The following ADAMTS2 variants were observed in gnomAD, a reference collection of about 807,000 sequenced individuals.
ADAMTS2 encodes ADAM metallopeptidase with thrombospondin type 1 motif 2.
ADAMTS2 carries 50 observed loss-of-function variants against 123.0 expected under a neutral mutation model. The ratio of observed to expected loss-of-function variants is 0.41; its 90% CI spans 0.32 to 0.51. The LOEUF (loss-of-function observed/expected upper bound fraction) is 0.51. ADAMTS2 is among the 20% of genes least tolerant of loss of function. The probability of loss-of-function intolerance (pLI) is 0.35; values close to 1 mark genes in which losing one functional copy is unlikely to be tolerated. For missense variants in ADAMTS2, 1,494 were observed against 1,705.2 expected, an observed-to-expected ratio of 0.88 and a Z score of 2.18; for synonymous variants, 678 against 695.4, an observed-to-expected ratio of 0.98 and a Z score of 0.39.
At position 179,207,509 on chromosome 5, in the gene ADAMTS2, T is replaced by A; in HGVS notation, c.891+4A>T. On this transcript the variant is annotated splice_donor_region_variant and intron_variant, in intron 4 of 21. Transcript: ENST00000251582. The stretch of plus-strand genomic sequence containing the variant: ...CACCCTGCCCCCTCAGCCACCCCAC[T>A]CACAATGTTCATGAGTGTCAGCAGG... 1.2e-6 allele frequency: 1 copy of A among 824,394 alleles called. No homozygotes were observed. Among genetic ancestry groups the A allele is most frequent in the Non-Finnish European group, 1.7e-6 (1 of 578,814 alleles). 51.1% of individuals were successfully genotyped at this position (824,394 alleles called of 1,614,324 possible).
Position 179,288,202 on chromosome 5 carries a change from C to T in ADAMTS2, c.535-15138G>A, listed in dbSNP as rs570641625. On this transcript the variant is annotated intron_variant, in intron 2 of 21. Transcript: ENST00000251582. ...ACAGAGCCTGTGCACTGCCTCACTC[C>T]TGCTTCCTTTGAATTGGGCTTCTTT... Among the ~76,000 whole-genome samples the T allele has an allele frequency of 2.0e-4, 30 of 152,340 alleles. No individual in the cohort carries two copies. In the South Asian group the frequency reaches 6.0e-3, roughly 30 times the overall value.
In ADAMTS2 at chr5:179,128,876, C is replaced by G. The variant is rs1047252860; in HGVS notation, c.2458-758G>C. Among the ~76,000 whole-genome samples, 40 of 152,268 alleles carry G rather than the reference C, an allele frequency of 2.6e-4. No homozygotes were observed. Among genetic ancestry groups the G allele is most frequent in the African/African-American group, 8.7e-4 (36 of 41,536 alleles). ...CTGGACAGCACTTCAGCAACAGGCTCAGGGTGATTTTCAACAGCGAAATCG... is the reference window on the plus strand; with the variant it reads ...CTGGACAGCACTTCAGCAACAGGCTGAGGGTGATTTTCAACAGCGAAATCG... On this transcript the variant is annotated intron_variant, in intron 16 of 21. Coordinates refer to ENST00000251582, the MANE Select transcript of ADAMTS2 (RefSeq NM_014244.5). This position sits in a 1 kb window ranked among gnomAD's most constrained non-coding sequence, Gnocchi z 4.9.
intron 3 of ADAMTS2, among the ~76,000 whole-genome samples, chr5:179,265,411 G>A (rs1235747754): frequency 6.6e-6 from 1 of 152,224 alleles, no homozygotes; most frequent in Non-Finnish European, 1.5e-5. Context: ...GCACGTGGGG[G>A]CTGTCAGGCG....
chr5:179,283,945 GATTATTATTATT>G (rs756134923), intron 2 of ADAMTS2, among the ~76,000 whole-genome samples: 14 of 120,518 alleles, frequency 1.2e-4, no homozygotes, highest in South Asian at 2.8e-4. Context: ...ATGGTCAGAT[GATTATTATTATT>G]ATTATTATTA....
intron 3 of ADAMTS2, among the ~76,000 whole-genome samples, chr5:179,270,959 G>A (rs1412663436): frequency 6.6e-6 from 1 of 152,200 alleles, no homozygotes; most frequent in African/African-American, 2.4e-5. Context: ...CTGGAGCTAA[G>A]GCTGGACAGG....
chr5:179,227,125 G>A (rs72818669), intron 3 of ADAMTS2, among the ~76,000 whole-genome samples: 2 of 78,938 alleles, frequency 2.5e-5, no homozygotes, highest in Admixed American at 1.5e-4. Flanking sequence ...GTGTACACAT[G>A]TGTATATATA....
chr5:179,202,975 C>T lies in ADAMTS2; in HGVS notation c.891+4538G>A, dbSNP rs1472911098. On this transcript the variant is annotated intron_variant, in intron 4 of 21. Transcript: ENST00000251582. This position sits in a 1 kb window ranked among gnomAD's most constrained non-coding sequence, Gnocchi z 4.0. Reference sequence around the variant, plus strand: ...CTGGGGAGGGGAGCACAGGGGTGATCGATGAGGCTGAACTGCCTGTGCCAC... The same window carrying T: ...CTGGGGAGGGGAGCACAGGGGTGATTGATGAGGCTGAACTGCCTGTGCCAC... 1.3e-5 allele frequency among the ~76,000 whole-genome samples: 2 copies of T among 152,168 alleles called. No individual in the cohort carries two copies. Among genetic ancestry groups the T allele is most frequent in the Non-Finnish European group, 1.5e-5 (1 of 68,024 alleles).
At chr5:179,338,812 C>T (rs1452486376) in intron 2 of ADAMTS2, among the ~76,000 whole-genome samples, 1 of 151,986 alleles carries the variant, frequency 6.6e-6, no homozygotes, top group Non-Finnish European at 1.5e-5. Flanking sequence ...GACCATGGGG[C>T]AGTGGGGGGT....
In ADAMTS2 at chr5:179,320,248, A is replaced by G. The variant is rs374321657; in HGVS notation, c.534+23519T>C. ...CTCCTCCAGCCTTCCAGGTCTCCCA[A>G]TCCTGGCCCCAGCCACTTCCTTGGG... On this transcript the variant is annotated intron_variant, in intron 2 of 21. Coordinates refer to ENST00000251582, the MANE Select transcript of ADAMTS2 (RefSeq NM_014244.5). Among the ~76,000 whole-genome samples, 14 of 152,000 alleles carry G rather than the reference A, an allele frequency of 9.2e-5. No homozygotes were observed. The East Asian group carries it at 1.5e-3, about 17-fold the overall frequency.
At chr5:179,344,383 TC>T (rs374065789) in intron 1 of ADAMTS2, among the ~76,000 whole-genome samples, 17 of 152,044 alleles carry the variant, frequency 1.1e-4, no homozygotes, top group African/African-American at 3.9e-4. Context: ...CCCCAGCCGT[TC>T]CCTCCTCCGG....
chr5:179,226,239 CCTTT>C (rs1038180255), intron 3 of ADAMTS2, among the ~76,000 whole-genome samples: 17 of 139,400 alleles, frequency 1.2e-4, no homozygotes, highest in East Asian at 8.0e-4. Context: ...TTCCTTCCTT[CCTTT>C]CTTTCTTTCT....
rs750117915 is a variant in ADAMTS2, at chr5:179,234,832, G to A, written c.689-27117C>T. 5.9e-5 allele frequency among the ~76,000 whole-genome samples: 9 copies of A among 152,132 alleles called. No individual in the cohort carries two copies. Among genetic ancestry groups the A allele is most frequent in the African/African-American group, 1.9e-4 (8 of 41,508 alleles). On this transcript the variant is annotated intron_variant, in intron 3 of 21. Coordinates refer to ENST00000251582, the MANE Select transcript of ADAMTS2 (RefSeq NM_014244.5). This position sits in a 1 kb window ranked among gnomAD's most constrained non-coding sequence, Gnocchi z 4.7. Reference sequence around the variant, plus strand: ...CCCTGCCCTTCACTCCCTGTAGCTCGAGTCCTCACCTGAGCTTGCCCCCAT... The same window carrying A: ...CCCTGCCCTTCACTCCCTGTAGCTCAAGTCCTCACCTGAGCTTGCCCCCAT...
intron 4 of ADAMTS2, among the ~76,000 whole-genome samples, chr5:179,199,857 A>G (rs1277698896): frequency 2.6e-5 from 4 of 152,242 alleles, no homozygotes; most frequent in African/African-American, 9.6e-5. Flanking sequence ...TGCATTTAAA[A>G]TAGCCATCGC....
intron 6 of ADAMTS2, among the ~76,000 whole-genome samples, chr5:179,156,469 A>C (rs568740544): frequency 3.4e-5 from 5 of 148,018 alleles, no homozygotes; most frequent in African/African-American, 7.5e-5. Context: ...AGTCCATTCT[A>C]CTGCCTCAGC....
chr5:179,120,971 C>T (rs1210211550), intron 21 of ADAMTS2: 3 of 152,204 alleles, frequency 2.0e-5, no homozygotes, highest in Non-Finnish European at 4.4e-5. Context: ...TGAGGTAATT[C>T]TGTAGTGGTT....
At chr5:179,302,085 A>G (rs752613118) in intron 2 of ADAMTS2, among the ~76,000 whole-genome samples, 55 of 152,174 alleles carry the variant, frequency 3.6e-4, no homozygotes, top group Non-Finnish European at 6.9e-4. Flanking sequence ...AGCGTCAGGA[A>G]GGGGAGTGTA....
Position 179,193,386 on chromosome 5 carries a change from C to T in ADAMTS2, c.892-12231G>A, listed in dbSNP as rs74577032. Among the ~76,000 whole-genome samples the T allele has an allele frequency of 7.0e-4, 106 of 152,316 alleles. 1 individual carries two copies. The East Asian group carries it at 0.02, about 29-fold the overall frequency. ...GCGAGTGAGTGTTATCCCCGCTGTGCCAGTGAGGAAGCCGAGGCACAGAGA... is the reference window on the plus strand; with the variant it reads ...GCGAGTGAGTGTTATCCCCGCTGTGTCAGTGAGGAAGCCGAGGCACAGAGA... On this transcript the variant is annotated intron_variant, in intron 4 of 21. Transcript: ENST00000251582.
chr5:179,197,275 A>C lies in ADAMTS2; in HGVS notation c.891+10238T>G, dbSNP rs1026848027. On this transcript the variant is annotated intron_variant, in intron 4 of 21. Coordinates refer to ENST00000251582, the MANE Select transcript of ADAMTS2 (RefSeq NM_014244.5). This position sits in a 1 kb window ranked among gnomAD's most constrained non-coding sequence, Gnocchi z 4.2. ...CAAAGACAGTTCAAGGTCTTTGTAGATCCTGATATTTAAGCAACACATTGA... is the reference window on the plus strand; with the variant it reads ...CAAAGACAGTTCAAGGTCTTTGTAGCTCCTGATATTTAAGCAACACATTGA... Among the ~76,000 whole-genome samples the C allele has an allele frequency of 6.6e-6, 1 of 152,134 alleles. No homozygotes were observed. The highest frequency in any genetic ancestry group is 6.5e-5 in the Admixed American group (1 of 15,276).
Position 179,308,246 on chromosome 5 carries a change from G to C in ADAMTS2, c.535-35182C>G, listed in dbSNP as rs1756730544. Among the ~76,000 whole-genome samples, 1 of 152,236 alleles carries C rather than the reference G, an allele frequency of 6.6e-6. No individual in the cohort carries two copies. The highest frequency in any genetic ancestry group is 2.1e-4 in the South Asian group (1 of 4,836). On this transcript the variant is annotated intron_variant, in intron 2 of 21. Transcript: ENST00000251582. This position sits in a 1 kb window ranked among gnomAD's most constrained non-coding sequence, Gnocchi z 6.6. ...GTGGAGGTGGGAAGACAGGCGCTGA[G>C]AGTTGTCTGACACAATTGTCTTAGC...
Sources: gnomAD v4.1 joint callset for allele counts (sites outside exome capture counted in the v4.1 genomes callset) on GRCh38, gnomAD v4.1.1 for gene constraint, Gnocchi (gnomAD v3.1) non-coding constraint, MANE v1.5 for transcripts, NCBI Gene and HGNC (gene_info 2026-07-23, HGNC 2026-07-21) for gene names.